The following DCC variants were observed in gnomAD, a reference collection of about 807,000 sequenced individuals.
DCC encodes the protein DCC netrin 1 receptor.
DCC carries 58 observed loss-of-function variants against 172.5 expected under a neutral mutation model. That is an observed-to-expected ratio of 0.34 (90% CI 0.27 to 0.42). DCC has a LOEUF of 0.42. Among genes scored for constraint, DCC ranks in the 10% least tolerant of loss-of-function variants. DCC has a pLI of 1.00. For missense variants in DCC, 1,740 were observed against 1,791.0 expected (o/e 0.97, Z 0.51); for synonymous variants, 709 against 644.5 (o/e 1.10, Z -1.52).
At chr18:53,521,253 A>C (rs1479584729) in intron 27 of DCC, among the ~76,000 whole-genome samples, 1 of 152,164 alleles carries the variant, frequency 6.6e-6, no homozygotes, top group East Asian at 1.9e-4. Flanking sequence ...TTTTGAATGC[A>C]TAACTGTTGC....
intron 12 of DCC, among the ~76,000 whole-genome samples, chr18:53,294,640 C>A (rs2057044662): frequency 6.6e-6 from 1 of 152,102 alleles, no homozygotes; most frequent in Non-Finnish European, 1.5e-5. Context: ...GGCAGATTAA[C>A]AAAATGAAGG....
intron 7 of DCC, among the ~76,000 whole-genome samples, chr18:53,132,377 G>C (rs2043670433): frequency 6.6e-6 from 1 of 152,052 alleles, no homozygotes; most frequent in Non-Finnish European, 1.5e-5. Context: ...CTGTAGGCTT[G>C]CTCCAGCACA....
intron 1 of DCC, among the ~76,000 whole-genome samples, chr18:52,417,016 G>C (rs1036404057): frequency 6.6e-6 from 1 of 152,122 alleles, no homozygotes; most frequent in Non-Finnish European, 1.5e-5. Context: ...GGTACCGGTT[G>C]TTCCTCTCCA....
chr18:52,689,135 T>A (rs994911051), intron 1 of DCC, among the ~76,000 whole-genome samples: 14 of 152,146 alleles, frequency 9.2e-5, no homozygotes, highest in Non-Finnish European at 8.8e-5. Context: ...CAAGCATTTA[T>A]TGAGTACCTT....
intron 1 of DCC, among the ~76,000 whole-genome samples, chr18:52,371,607 G>A (rs535439680): frequency 1.8e-4 from 28 of 152,278 alleles, no homozygotes; most frequent in African/African-American, 6.5e-4. Flanking sequence ...CCGGGAAGAA[G>A]GCTTTCTAAT....
At chr18:53,168,387 A>T (rs573883451) in intron 8 of DCC, among the ~76,000 whole-genome samples, 1 of 152,230 alleles carries the variant, frequency 6.6e-6, no homozygotes, top group Admixed American at 6.5e-5. Context: ...TGCAGCCATA[A>T]AAAAGGGATG....
At chr18:52,402,500 C>T (rs1986480242) in intron 1 of DCC, among the ~76,000 whole-genome samples, 1 of 151,982 alleles carries the variant, frequency 6.6e-6, no homozygotes, top group Admixed American at 6.6e-5. Flanking sequence ...CAAGCTGTGA[C>T]TTGAAAGTTT....
chr18:53,479,318 G>T (rs1258022774), intron 25 of DCC, among the ~76,000 whole-genome samples: 2 of 152,064 alleles, frequency 1.3e-5, no homozygotes, highest in Admixed American at 6.6e-5. Context: ...TTACTGAAAG[G>T]AACAGTATTT....
intron 25 of DCC, among the ~76,000 whole-genome samples, chr18:53,477,193 G>A (rs905813888): frequency 6.6e-6 from 1 of 152,060 alleles, no homozygotes; most frequent in Non-Finnish European, 1.5e-5. Flanking sequence ...ATTTTTTGAA[G>A]AGACGAGGTT....
chr18:53,426,508 G>A (rs1910973693), intron 21 of DCC, among the ~76,000 whole-genome samples: 1 of 146,528 alleles, frequency 6.8e-6, no homozygotes, highest in Admixed American at 6.9e-5. Flanking sequence ...CCACTGGTTG[G>A]CCTGGCAAAG....
intron 1 of DCC, among the ~76,000 whole-genome samples, chr18:52,695,370 A>G (rs1228345077): frequency 6.6e-6 from 1 of 152,196 alleles, no homozygotes; most frequent in East Asian, 1.9e-4. Context: ...AAACTCTTCA[A>G]TTATTAATGA....
chr18:53,446,098 C>CAAAAAAAAAAAAAAA (rs1246126122), intron 22 of DCC, among the ~76,000 whole-genome samples: 1 of 32,278 alleles, frequency 3.1e-5, no homozygotes. Context: ...CCTGTCTCTA[C>CAAAAAAAAAAAAAAA]AAAAAAAAAA....
In DCC at chr18:53,066,800, A is replaced by T. The variant is rs140062603; in HGVS notation, c.1261+634A>T. ...TAAAGAAAAGAGGTTTAATTGGCTC[A>T]TGGTTCCACAGGCTGTATAGGAAGC... On this transcript the variant is annotated intron_variant, in intron 7 of 28. Transcript: ENST00000442544. Among the ~76,000 whole-genome samples, 443 of 152,226 alleles carry T rather than the reference A, an allele frequency of 2.9e-3. 3 individuals carry two copies. The highest frequency in any genetic ancestry group is 0.01 in the African/African-American group (424 of 41,546).
intron 1 of DCC, among the ~76,000 whole-genome samples, chr18:52,479,581 C>CA (rs1989196764): frequency 3.8e-4 from 1 of 2,638 alleles, no homozygotes; most frequent in African/African-American, 4.4e-4. Context: ...CCTCCCTCCA[C>CA]CCCCCCCCCG....
intron 9 of DCC, among the ~76,000 whole-genome samples, chr18:53,197,933 A>G (rs969124473): frequency 1.3e-5 from 2 of 152,148 alleles, no homozygotes; most frequent in African/African-American, 4.8e-5. Flanking sequence ...AACATCCTAT[A>G]AAACCTAAAA....
intron 1 of DCC, among the ~76,000 whole-genome samples, chr18:52,432,780 A>G (rs1987668484): frequency 6.6e-6 from 1 of 152,210 alleles, no homozygotes; most frequent in Admixed American, 6.6e-5. Flanking sequence ...TAAACTGAGT[A>G]CTACGAGTGG....
chr18:52,810,240 A>G (rs979469440), intron 2 of DCC, among the ~76,000 whole-genome samples: 2 of 152,194 alleles, frequency 1.3e-5, no homozygotes, highest in Non-Finnish European at 2.9e-5. Flanking sequence ...TATGGGATGC[A>G]GATAGAGACA....
At chr18:52,514,151 GTA>G (rs916757645) in intron 1 of DCC, among the ~76,000 whole-genome samples, 7 of 151,718 alleles carry the variant, frequency 4.6e-5, no homozygotes, top group East Asian at 1.9e-4. Context: ...GTATATATGT[GTA>G]TATATATATA....
chr18:52,541,868 T>TGC (rs1468355729), intron 1 of DCC, among the ~76,000 whole-genome samples: 1 of 82,278 alleles, frequency 1.2e-5, no homozygotes, highest in African/African-American at 4.6e-5. Flanking sequence ...ATATGATGTG[T>TGC]GTGTGTGTAT....
Sources: gnomAD v4.1 joint callset for allele counts (sites outside exome capture counted in the v4.1 genomes callset) on GRCh38, gnomAD v4.1.1 for gene constraint, MANE v1.5 for transcripts, NCBI Gene and HGNC (gene_info 2026-07-23, HGNC 2026-07-21) for gene names.